The following SLCO2B1 variants were observed in gnomAD, a reference collection of about 807,000 sequenced individuals.
The protein encoded by SLCO2B1 is OATP-RP2.
SLCO2B1 carries 41 observed loss-of-function variants against 67.3 expected under a neutral mutation model. The observed-to-expected ratio is 0.61, with a 90% CI of 0.47 to 0.79. The LOEUF is 0.79. Ranked by LOEUF, SLCO2B1 falls within the 30% of genes least tolerant of loss-of-function variation. The pLI is 0.00. For synonymous variants in SLCO2B1, 379 were observed against 381.4 expected, an observed-to-expected ratio of 0.99 and a Z score of 0.07; for missense variants, 837 against 920.1, an observed-to-expected ratio of 0.91 and a Z score of 1.17.
chr11:75,195,955 G>A (rs949646955), intron 9 of SLCO2B1, among the ~76,000 whole-genome samples: 13 of 152,288 alleles, frequency 8.5e-5, no homozygotes, highest in African/African-American at 2.6e-4. Flanking sequence ...CCAGGGATTT[G>A]GGAACAGGCC....
At chr11:75,165,347 G>C (rs1486070495) in intron 3 of SLCO2B1, among the ~76,000 whole-genome samples, 1 of 151,630 alleles carries the variant, frequency 6.6e-6, no homozygotes, top group South Asian at 2.1e-4. Context: ...CAGGAGAATT[G>C]CTCGAACCTG....
rs181243672 is a variant in SLCO2B1 at position 75,182,333 on chromosome 11, T to C, written c.973-5803T>C. ...TTTGAGAGCCTGCTCTGCCAATAAC[T>C]GTCTGGGTGACACTCCCCCTTTTGG... On this transcript the variant is annotated intron_variant, in intron 7 of 13. Transcript: ENST00000289575. Among the ~76,000 whole-genome samples the C allele has an allele frequency of 1.7e-4, 26 of 152,332 alleles. No homozygotes were observed. In the East Asian group the frequency reaches 4.2e-3, roughly 25 times the overall value.
intron 7 of SLCO2B1, among the ~76,000 whole-genome samples, chr11:75,185,411 C>T (rs190224336): frequency 9.4e-4 from 143 of 152,172 alleles, no homozygotes; most frequent in African/African-American, 3.2e-3. Context: ...CGTGGGGAAG[C>T]CTTGCCTGCG....
chr11:75,188,156 G>C lies in SLCO2B1; in HGVS notation c.993G>C (p.Lys331Asn). 6.2e-7 allele frequency: 1 copy of C among 1,613,708 alleles called. No homozygotes were observed. Among genetic ancestry groups the C allele is most frequent in the South Asian group, 1.1e-5 (1 of 91,034 alleles). The change falls in exon 8 of 14, where the codon AAG becomes AAC. Residue 331 changes from lysine to asparagine, a missense_variant. Physicochemically the swap from Lys to Asn is moderately conservative, Grantham distance 94 (BLOSUM62 0). Transcript: ENST00000289575. ...PARKGKDSPSKQSPGESTKKQ... is the reference protein window; with the variant it reads ...PARKGKDSPSNQSPGESTKKQ... ...TTCAGGGCAAGGACTCTCCCTCTAA[G>C]CAGAGCCCTGGGGAGTCCACGAAGA...
At chr11:75,179,850 C>A (rs1374106615) in intron 7 of SLCO2B1, among the ~76,000 whole-genome samples, 1 of 148,716 alleles carries the variant, frequency 6.7e-6, no homozygotes, top group Non-Finnish European at 1.5e-5. Context: ...AATTCTCCTG[C>A]GTCATCCTCC....
chr11:75,191,610 A>T (rs1945024280), intron 8 of SLCO2B1, among the ~76,000 whole-genome samples: 1 of 152,092 alleles, frequency 6.6e-6, no homozygotes, highest in Admixed American at 6.5e-5. Context: ...TGCTCTGAGG[A>T]CAGACAGAAA....
At chr11:75,176,314 G>C (rs575906337) in intron 7 of SLCO2B1, among the ~76,000 whole-genome samples, 1 of 151,820 alleles carries the variant, frequency 6.6e-6, no homozygotes, top group Non-Finnish European at 1.5e-5. Context: ...GCTCAGAGGG[G>C]CCCAGAGAGC....
At chr11:75,161,915 G>A (rs1310176471) in intron 1 of SLCO2B1, among the ~76,000 whole-genome samples, 1 of 152,146 alleles carries the variant, frequency 6.6e-6, no homozygotes, top group Non-Finnish European at 1.5e-5. Flanking sequence ...TACCATGTGA[G>A]GAAAGCCAAC....
Position 75,193,285 on chromosome 11 carries a change from A to C in SLCO2B1, c.1143A>C (p.Val381=). Residue 381 remains valine, a synonymous_variant, in exon 9 of 14, where the codon GTA becomes GTC. Transcript: ENST00000289575. This position sits in a 1 kb window ranked among gnomAD's most constrained non-coding sequence, Gnocchi z 4.2. ...TCCTGCTGGTGGTCCTGTCCCAGGT[A>C]TGCTTGTCATCCATGGCTGCGGGCA... ...PIFLLVVLSQ[V]CLSSMAAGMA... is the part of the protein sequence containing the mutation. The C allele has an allele frequency of 6.2e-7, 1 of 1,613,890 alleles. No individual in the cohort carries two copies. The highest frequency in any genetic ancestry group is 8.5e-7 in the Non-Finnish European group (1 of 1,179,994).
At chr11:75,186,048 C>T (rs568280800) in intron 7 of SLCO2B1, among the ~76,000 whole-genome samples, 142 of 152,216 alleles carry the variant, frequency 9.3e-4, no homozygotes, top group Middle Eastern at 3.4e-3. Context: ...TCTGGGAATG[C>T]AGCCCAGCAA....
intron 7 of SLCO2B1, among the ~76,000 whole-genome samples, chr11:75,174,137 A>G (rs113522429): frequency 7.2e-5 from 11 of 152,206 alleles, no homozygotes; most frequent in Admixed American, 5.9e-4. Flanking sequence ...TGTCAAGTTC[A>G]TTAATTTTTT....
intron 4 of SLCO2B1, among the ~76,000 whole-genome samples, chr11:75,166,453 C>T (rs903782296): frequency 6.6e-6 from 1 of 152,124 alleles, no homozygotes; most frequent in Non-Finnish European, 1.5e-5. Flanking sequence ...AAGCCATGTT[C>T]AGCCCAGTGG....
intron 4 of SLCO2B1, among the ~76,000 whole-genome samples, 182 bp downstream of exon 4, chr11:75,166,131 C>A (rs1398149460): frequency 6.6e-6 from 1 of 152,164 alleles, no homozygotes; most frequent in African/African-American, 2.4e-5. Flanking sequence ...CTCTGGCAGA[C>A]CTGGGGAGTG....
At chr11:75,191,762 G>A (rs1330839232) in intron 8 of SLCO2B1, among the ~76,000 whole-genome samples, 1 of 152,188 alleles carries the variant, frequency 6.6e-6, no homozygotes, top group Admixed American at 6.5e-5. Flanking sequence ...TTTGACTTCA[G>A]TCTTGCCTAC....
Position 75,205,749 on chromosome 11 carries a change from A to T in SLCO2B1, c.*1169A>T, listed in dbSNP as rs1945265321. 1 of 152,150 alleles carries T rather than the reference A, an allele frequency of 6.6e-6. No individual in the cohort carries two copies. Among genetic ancestry groups the T allele is most frequent in the South Asian group, 2.1e-4 (1 of 4,820 alleles). 9.4% of individuals were successfully genotyped at this position (152,150 alleles called of 1,614,324 possible). A position where few individuals can be genotyped will look rare whatever the true frequency, so the allele number is the denominator to read the frequency against. On this transcript the variant is annotated 3_prime_UTR_variant, in exon 14 of 14. Transcript: ENST00000289575. ...GTGTCTTATGATCCAATCCTTTTCT[A>T]CATCAGCCCTTGTTTTGTTTTATGG... is the stretch of plus-strand genomic sequence containing the variant.
chr11:75,202,929 G>A lies in SLCO2B1; in HGVS notation c.1792G>A (p.Ala598Thr). The change falls in exon 12 of 14, where the codon GCT (alanine) becomes ACT (threonine). Residue 598 changes from alanine (A) to threonine (T), a missense_variant. By Grantham distance (58) the Ala-to-Thr change is moderately conservative (BLOSUM62 0). Transcript: ENST00000289575. ...RGVKKEDKTL[A>T]VGIQFMFLRI... is the part of the protein sequence containing the mutation. ...AGTGAAGAAAGAAGACAAGACTTTG[G>A]CTGTGGGCATCCAGTTCATGTTCCT... The A allele has an allele frequency of 6.2e-7, 1 of 1,613,954 alleles. No homozygotes were observed.
chr11:75,189,142 C>A (rs1944981014), intron 8 of SLCO2B1, among the ~76,000 whole-genome samples: 1 of 152,202 alleles, frequency 6.6e-6, no homozygotes, highest in Admixed American at 6.5e-5. Context: ...ACTACGAACT[C>A]AGTCTATCAG....
At chr11:75,196,237 T>C in intron 9 of SLCO2B1, 1 of 358,922 alleles carries the variant, frequency 2.8e-6, no homozygotes, top group Non-Finnish European at 5.0e-6. Flanking sequence ...CTGGGAGGAA[T>C]TTATCTTGTA....
intron 1 of SLCO2B1, among the ~76,000 whole-genome samples, chr11:75,155,767 A>T (rs1287108544): frequency 1.3e-5 from 2 of 152,226 alleles, no homozygotes; most frequent in Non-Finnish European, 1.5e-5. Flanking sequence ...GGCGTGAGCC[A>T]GGCCTCGAAA....
Sources: allele counts gnomAD v4.1 joint callset (sites outside exome capture counted in the v4.1 genomes callset), GRCh38; gene constraint gnomAD v4.1.1; non-coding constraint Gnocchi (gnomAD v3.1); transcripts MANE v1.5; gene names NCBI Gene and HGNC (gene_info 2026-07-23, HGNC 2026-07-21).